Variants in ITGA1 observed in about 807,000 individuals in gnomAD.
The protein encoded by ITGA1 is integrin alpha-1.
A neutral mutation model predicts 145.9 loss-of-function variants in ITGA1; 85 were observed. The observed-to-expected ratio is 0.58, with a 90% CI of 0.49 to 0.70. The LOEUF (loss-of-function observed/expected upper bound fraction) is 0.70, where lower values mean the gene tolerates loss of function less well. ITGA1 is among the 30% of genes least tolerant of loss of function. The pLI, the probability that ITGA1 is intolerant of heterozygous loss-of-function variation, is 0.00. For missense variants in ITGA1, 1,351 were observed against 1,418.7 expected, an observed-to-expected ratio of 0.95 and a Z score of 0.77; for synonymous variants, 520 against 495.3, an observed-to-expected ratio of 1.05 and a Z score of -0.66.
chr5:52,830,521 G>C (rs1749042754), intron 1 of ITGA1, among the ~76,000 whole-genome samples: 1 of 152,092 alleles, frequency 6.6e-6, no homozygotes, highest in South Asian at 2.1e-4. Flanking sequence ...TTTTTAAGTT[G>C]ATTGTAGTTC....
chr5:52,944,099 C>G (rs1041104280), intron 26 of ITGA1, among the ~76,000 whole-genome samples: 1 of 152,112 alleles, frequency 6.6e-6, no homozygotes, highest in African/African-American at 2.4e-5. Context: ...CTTGTGGTCA[C>G]CTGGGGCTAG....
intron 14 of ITGA1, among the ~76,000 whole-genome samples, chr5:52,911,314 G>A (rs1365865445): frequency 1.5e-5 from 2 of 133,764 alleles, no homozygotes; most frequent in East Asian, 4.3e-4. Flanking sequence ...AGTATATAGT[G>A]TATATATAGT....
chr5:52,804,270 T>C (rs1199509857), intron 1 of ITGA1, among the ~76,000 whole-genome samples: 1 of 152,226 alleles, frequency 6.6e-6, no homozygotes, highest in African/African-American at 2.4e-5. Context: ...TAATGTACTG[T>C]AAATTTCCAT....
chr5:52,859,701 C>T (rs1183157461), intron 2 of ITGA1, among the ~76,000 whole-genome samples: 1 of 152,202 alleles, frequency 6.6e-6, no homozygotes, highest in African/African-American at 2.4e-5. Context: ...TGCAGACATT[C>T]TTTCTCCATG....
In ITGA1 at chr5:52,865,924, G is replaced by C. The variant is rs535737729; in HGVS notation, c.624+107G>C. 37 of 870,026 alleles carry C rather than the reference G, an allele frequency of 4.3e-5. No homozygotes were observed. In the African/African-American group the frequency reaches 6.0e-4, roughly 14 times the overall value. The allele number at this position is 870,026 out of a possible 1,614,324, so 53.9% of individuals were successfully genotyped here. ...CAAATTAATCAATAAAACTAAAGTT[G>C]AGAATGAATTTTATATCCATTTCCT... On this transcript the variant is annotated intron_variant, in intron 6 of 28. Transcript: ENST00000282588.
In ITGA1 at chr5:52,939,642, G is replaced by A. The variant is rs1161078853; in HGVS notation, c.3131G>A (p.Gly1044Glu). ...GAGGATCCTTTCAGTATCAACTCTGGAAAGAAAATGACTACATCAACTGAC... is the reference window on the plus strand; with the variant it reads ...GAGGATCCTTTCAGTATCAACTCTGAAAAGAAAATGACTACATCAACTGAC... ...IFEDPFSINS[G>E]KKMTTSTDHL... The change falls in exon 25 of 29, where the codon GGA (glycine) becomes GAA (glutamate). Residue 1044 changes from glycine to glutamate, a missense_variant. Coordinates refer to ENST00000282588, the MANE Select transcript of ITGA1 (RefSeq NM_181501.2). 4.3e-6 allele frequency: 7 copies of A among 1,613,672 alleles called. No individual in the cohort carries two copies. The highest frequency in any genetic ancestry group is 5.9e-6 in the Non-Finnish European group (7 of 1,179,684).
intron 9 of ITGA1, 97 bp downstream of exon 9, chr5:52,893,937 T>C: frequency 1.3e-6 from 1 of 788,946 alleles, no homozygotes; most frequent in Non-Finnish European, 1.9e-6. Flanking sequence ...AGTAATACTT[T>C]TTTTTTTTTT....
intron 1 of ITGA1, among the ~76,000 whole-genome samples, chr5:52,819,893 A>C (rs574876887): frequency 6.6e-6 from 1 of 152,136 alleles, no homozygotes; most frequent in Non-Finnish European, 1.5e-5. Flanking sequence ...AGCACCATTT[A>C]TTAAATAGGG....
intron 17 of ITGA1, 148 bp downstream of exon 17, chr5:52,920,616 T>A: frequency 1.5e-6 from 1 of 677,832 alleles, no homozygotes; most frequent in Non-Finnish European, 2.2e-6. Context: ...ATTTTTATCA[T>A]AAAATCGCAG....
chr5:52,920,464 T>C lies in ITGA1; in HGVS notation c.2288T>C (p.Met763Thr). Residue 763 changes from methionine (M) to threonine (T), a missense_variant, in exon 17 of 29, where the codon ATG (methionine) becomes ACG (threonine). Coordinates refer to ENST00000282588, the MANE Select transcript of ITGA1 (RefSeq NM_181501.2). Reference sequence around the variant, plus strand: ...GAATGCACTAAGCACTCCTTCTACATGTTGGCAAGTAAATCATATATCGTT... The same window carrying C: ...GAATGCACTAAGCACTCCTTCTACACGTTGGCAAGTAAATCATATATCGTT... ...KSECTKHSFY[M>T]LDKHDFQDSV... is the part of the protein sequence containing the mutation. The C allele has an allele frequency of 6.3e-7, 1 of 1,595,384 alleles. No individual in the cohort carries two copies. Among genetic ancestry groups the C allele is most frequent in the Non-Finnish European group, 8.5e-7 (1 of 1,172,938 alleles).
chr5:52,862,456 A>G (rs555134931), intron 3 of ITGA1, among the ~76,000 whole-genome samples: 26 of 152,132 alleles, frequency 1.7e-4, no homozygotes, highest in Non-Finnish European at 3.2e-4. Flanking sequence ...TGCTTTAGAA[A>G]GTCATCAAGG....
chr5:52,891,864 TA>T (rs1489206995), intron 8 of ITGA1, among the ~76,000 whole-genome samples: 1 of 152,104 alleles, frequency 6.6e-6, no homozygotes, highest in African/African-American at 2.4e-5. Flanking sequence ...CATATTGTTT[TA>T]AAAATGTTTT....
intron 1 of ITGA1, among the ~76,000 whole-genome samples, chr5:52,794,344 ATTATT>A (rs1748298161): frequency 6.6e-6 from 1 of 151,974 alleles, no homozygotes; most frequent in Non-Finnish European, 1.5e-5. Context: ...TACTTTCAAA[ATTATT>A]TTATTAATTA....
intron 1 of ITGA1, among the ~76,000 whole-genome samples, chr5:52,836,182 A>C (rs1580054672): frequency 6.6e-6 from 1 of 152,278 alleles, no homozygotes; most frequent in East Asian, 1.9e-4. Context: ...TCCCAGAGTA[A>C]GGAATTATGA....
intron 6 of ITGA1, among the ~76,000 whole-genome samples, chr5:52,874,757 C>A (rs940273883): frequency 2.6e-5 from 4 of 152,124 alleles, no homozygotes; most frequent in African/African-American, 9.7e-5. Flanking sequence ...GTTCCTGATT[C>A]TAAAATCTTC....
At chr5:52,951,696 T>G (rs1024220204) in intron 28 of ITGA1, among the ~76,000 whole-genome samples, 3 of 152,128 alleles carry the variant, frequency 2.0e-5, no homozygotes, top group Non-Finnish European at 2.9e-5. Context: ...CCATCTCTAA[T>G]GACCTCAACT....
At chr5:52,828,815 A>G (rs562360382) in intron 1 of ITGA1, among the ~76,000 whole-genome samples, 1 of 152,208 alleles carries the variant, frequency 6.6e-6, no homozygotes. Context: ...TGAAGCCTCT[A>G]TGGGAGAATC....
chr5:52,878,235 CAGGT>C (rs1749898079), intron 6 of ITGA1, among the ~76,000 whole-genome samples: 1 of 152,054 alleles, frequency 6.6e-6, no homozygotes, highest in Non-Finnish European at 1.5e-5. Context: ...AAGAGAGTCT[CAGGT>C]AGAGTTGTTA....
intron 1 of ITGA1, among the ~76,000 whole-genome samples, chr5:52,835,788 A>C (rs1053568671): frequency 6.6e-6 from 1 of 152,184 alleles, no homozygotes; most frequent in Non-Finnish European, 1.5e-5. Context: ...TTCAAGATTC[A>C]AATCACAACT....
Sources: gnomAD v4.1 joint callset for allele counts (sites outside exome capture counted in the v4.1 genomes callset) on GRCh38, gnomAD v4.1.1 for gene constraint, MANE v1.5 for transcripts, NCBI Gene and HGNC (gene_info 2026-07-23, HGNC 2026-07-21) for gene names.